Variants in FMN2 observed in about 807,000 individuals in gnomAD.
The protein encoded by FMN2 is formin-2.
FMN2 carries 51 observed loss-of-function variants against 142.3 expected under a neutral mutation model. The ratio of observed to expected loss-of-function variants is 0.36; its 90% confidence interval spans 0.29 to 0.45. The LOEUF (loss-of-function observed/expected upper bound fraction) is 0.45. FMN2 is among the 20% of genes least tolerant of loss of function. FMN2 has a pLI of 1.00. For synonymous variants in FMN2, 882 were observed against 869.8 expected (o/e 1.01, Z -0.25); for missense variants, 1,936 against 2,122.8 (o/e 0.91, Z 1.73).
At position 240,330,659 on chromosome 1, in the gene FMN2, C is replaced by CAACT. The variant is rs751782488; in HGVS notation, c.4496_4499dup (p.Tyr1500Ter). On this transcript the variant is annotated frameshift_variant, in exon 11 of 18. Transcript: ENST00000319653. LOFTEE classifies it high-confidence loss of function. ...TTCTAGGTTTGGTTCTTGCCTTTGG[C>CAACT]AACTACATGAATGGAGGAAATAAGA... The CAACT allele has an allele frequency of 1.9e-6, 3 of 1,613,936 alleles. No individual in the cohort carries two copies.
intron 7 of FMN2, among the ~76,000 whole-genome samples, chr1:240,264,085 C>T (rs1668716977): frequency 1.3e-5 from 2 of 152,140 alleles, no homozygotes; most frequent in East Asian, 3.9e-4. Context: ...TGATTGCTTT[C>T]CCAAACAGTT....
chr1:240,249,431 T>G (rs1158711920), intron 6 of FMN2, among the ~76,000 whole-genome samples: 1 of 152,138 alleles, frequency 6.6e-6, no homozygotes, highest in African/African-American at 2.4e-5. Context: ...TATATCTGGG[T>G]TCTCTATTCT....
intron 6 of FMN2, among the ~76,000 whole-genome samples, chr1:240,249,135 G>A (rs1668189544): frequency 6.6e-6 from 1 of 151,982 alleles, no homozygotes; most frequent in South Asian, 2.1e-4. Flanking sequence ...TGTTTTAGTT[G>A]TCTGTGCTTT....
intron 16 of FMN2, among the ~76,000 whole-genome samples, chr1:240,451,540 C>A (rs1186615007): frequency 6.6e-6 from 1 of 151,928 alleles, no homozygotes; most frequent in Non-Finnish European, 1.5e-5. Context: ...AGATGATTGG[C>A]GTGTTCCCCA....
intron 1 of FMN2, among the ~76,000 whole-genome samples, chr1:240,120,728 A>G (rs572881134): frequency 1.9e-4 from 29 of 152,336 alleles, no homozygotes; most frequent in Admixed American, 9.2e-4. Flanking sequence ...TCTGGATAAC[A>G]GTTGATCTAA....
chr1:240,100,141 A>C (rs1471786217), intron 1 of FMN2, among the ~76,000 whole-genome samples: 1 of 152,224 alleles, frequency 6.6e-6, no homozygotes, highest in Non-Finnish European at 1.5e-5. Context: ...ATTATTTTCA[A>C]TGAGGTGTGA....
At chr1:240,406,879 A>G (rs1212517839) in intron 15 of FMN2, among the ~76,000 whole-genome samples, 1 of 152,186 alleles carries the variant, frequency 6.6e-6, no homozygotes, top group East Asian at 1.9e-4. Flanking sequence ...GAAACAATCA[A>G]GCTTACAGAT....
intron 13 of FMN2, among the ~76,000 whole-genome samples, chr1:240,343,097 A>G (rs1671796240): frequency 6.6e-6 from 1 of 152,202 alleles, no homozygotes; most frequent in Non-Finnish European, 1.5e-5. Context: ...TCAGGTATAT[A>G]TCTAACAGAT....
chr1:240,185,758 C>G (rs180864212), intron 3 of FMN2, among the ~76,000 whole-genome samples: 4 of 152,100 alleles, frequency 2.6e-5, no homozygotes, highest in African/African-American at 9.7e-5. Context: ...TCTTGTGGCA[C>G]GATCTAAATA....
At chr1:240,185,647 G>T (rs1348356776) in intron 3 of FMN2, among the ~76,000 whole-genome samples, 1 of 152,178 alleles carries the variant, frequency 6.6e-6, no homozygotes, top group East Asian at 1.9e-4. Context: ...TACTTTTTGG[G>T]TCCAGTTACC....
At chr1:240,169,005 G>T (rs1220412997) in intron 2 of FMN2, among the ~76,000 whole-genome samples, 1 of 152,116 alleles carries the variant, frequency 6.6e-6, no homozygotes, top group Non-Finnish European at 1.5e-5. Context: ...GAGGTCAAGA[G>T]ATCGAGATCA....
At chr1:240,225,891 T>G (rs1667279910) in intron 6 of FMN2, among the ~76,000 whole-genome samples, 1 of 151,940 alleles carries the variant, frequency 6.6e-6, no homozygotes, top group Non-Finnish European at 1.5e-5. Context: ...GAGTTAAAAG[T>G]ACAATAACCA....
intron 4 of FMN2, among the ~76,000 whole-genome samples, chr1:240,199,940 C>T (rs1055745808): frequency 2.0e-5 from 3 of 152,182 alleles, no homozygotes; most frequent in South Asian, 2.1e-4. Flanking sequence ...CATTAGCTTT[C>T]CGTAAACTGT....
At chr1:240,365,134 TATATAG>T (rs1193798471) in intron 14 of FMN2, among the ~76,000 whole-genome samples, 3 of 151,326 alleles carry the variant, frequency 2.0e-5, no homozygotes, top group Non-Finnish European at 4.4e-5. Context: ...TGTATGTGCA[TATATAG>T]ATATAGATAT....
intron 8 of FMN2, 126 bp downstream of exon 8, chr1:240,295,009 C>A: frequency 1.4e-6 from 1 of 729,864 alleles, no homozygotes; most frequent in South Asian, 2.2e-5. Context: ...GTGAATTTGC[C>A]TAAGTAGGTG....
chr1:240,455,849 C>T (rs994327886), intron 16 of FMN2, among the ~76,000 whole-genome samples: 1 of 152,024 alleles, frequency 6.6e-6, no homozygotes, highest in East Asian at 1.9e-4. Flanking sequence ...GTGACAGGCA[C>T]CTGTAGTCCC....
intron 2 of FMN2, among the ~76,000 whole-genome samples, chr1:240,164,977 G>T (rs1664421283): frequency 6.6e-6 from 1 of 151,724 alleles, no homozygotes; most frequent in Admixed American, 6.6e-5. Flanking sequence ...TATTTTTTCT[G>T]CAATATTTCC....
chr1:240,385,816 TTTC>T (rs1395072349), intron 14 of FMN2, among the ~76,000 whole-genome samples: 1 of 152,178 alleles, frequency 6.6e-6, no homozygotes, highest in Non-Finnish European at 1.5e-5. Flanking sequence ...TATGTATATG[TTTC>T]TTGAGTTTTT....
Position 240,092,977 on chromosome 1 carries a change from C to A in FMN2, c.868C>A (p.Pro290Thr). ...GAGCCTGGCCGCCGAGCCCCGGGAG[C>A]CCCAGCAACCGCCGTCCCCCGGCGG... is the stretch of plus-strand genomic sequence containing the variant. ...PESLAAEPRE[P>T]QQPPSPGGLP... The change falls in exon 1 of 18, where the codon CCC (proline) becomes ACC (threonine). Residue 290 changes from proline (P) to threonine (T), a missense_variant. By Grantham distance (38) the Pro-to-Thr change is conservative (BLOSUM62 -1). This residue lies in a region of FMN2 where 751 missense variants were observed against 791.8 expected (regional missense o/e 0.95). Transcript: ENST00000319653. The A allele has an allele frequency of 7.1e-7, 1 of 1,407,840 alleles. No individual in the cohort carries two copies. The highest frequency in any genetic ancestry group is 3.2e-5 in the Admixed American group (1 of 30,932). The allele number at this position is 1,407,840 out of a possible 1,614,324, so 87.2% of individuals were successfully genotyped here. A position where few individuals can be genotyped will look rare whatever the true frequency, so the allele number is the denominator to read the frequency against.
Sources: allele counts gnomAD v4.1 joint callset (sites outside exome capture counted in the v4.1 genomes callset), GRCh38; gene constraint gnomAD v4.1.1; regional missense constraint gnomAD v4.1.1; transcripts MANE v1.5; gene names NCBI Gene and HGNC (gene_info 2026-07-23, HGNC 2026-07-21).